Variants in ST8SIA2 observed in about 807,000 individuals in gnomAD.
ST8SIA2 encodes alpha-2,8-sialyltransferase 8B.
Under a neutral mutation model 37.6 loss-of-function variants are expected in ST8SIA2, and 22 were observed. The observed-to-expected ratio is 0.58, with a 90% CI of 0.42 to 0.83. The LOEUF (loss-of-function observed/expected upper bound fraction) is 0.83. Ranked by LOEUF, ST8SIA2 falls within the 40% of genes least tolerant of loss-of-function variation. ST8SIA2 has a pLI of 0.00. For synonymous variants in ST8SIA2, 205 were observed against 201.2 expected (o/e 1.02, Z -0.16); for missense variants, 382 against 484.7 (o/e 0.79, Z 1.99).
At position 92,438,578 on chromosome 15, in the gene ST8SIA2, G is replaced by C. The variant is rs527715976; in HGVS notation, c.516G>C (p.Gly172=). The change falls in exon 4 of 6, where the codon GGG becomes GGC. Residue 172 remains glycine (G), a synonymous_variant. Transcript: ENST00000268164. ...GGGTCTTGCTGAACAGCGGCTGTGGGCAGGAGATTGACGCCCACAGCTTCG... is the reference window on the plus strand; with the variant it reads ...GGGTCTTGCTGAACAGCGGCTGTGGCCAGGAGATTGACGCCCACAGCTTCG... The part of the protein sequence containing the change: ...NSGVLLNSGC[G]QEIDAHSFVI... 3.1e-5 allele frequency: 50 copies of C among 1,611,620 alleles called. No homozygotes were observed. Among genetic ancestry groups the C allele is most frequent in the Non-Finnish European group, 4.0e-5 (47 of 1,178,424 alleles).
At position 92,444,854 on chromosome 15, in the gene ST8SIA2, A is replaced by G; in HGVS notation, c.767A>G (p.Asn256Ser). ...RGGKERVEWV[N>S]ELILKHHVNV... Reference sequence around the variant, plus strand: ...GGCAAGGAGCGTGTTGAGTGGGTCAACGAGCTTATCCTGAAGCACCACGTC... The same window carrying G: ...GGCAAGGAGCGTGTTGAGTGGGTCAGCGAGCTTATCCTGAAGCACCACGTC... The change falls in exon 5 of 6, where the codon AAC (asparagine) becomes AGC (serine). Residue 256 changes from asparagine (N) to serine (S), a missense_variant. Coordinates refer to ENST00000268164, the MANE Select transcript of ST8SIA2 (RefSeq NM_006011.4). The G allele has an allele frequency of 6.2e-7, 1 of 1,613,878 alleles. No individual in the cohort carries two copies. The highest frequency in any genetic ancestry group is 8.5e-7 in the Non-Finnish European group (1 of 1,180,034).
At chr15:92,424,462 T>G (rs966543340) in intron 1 of ST8SIA2, among the ~76,000 whole-genome samples, 1 of 152,228 alleles carries the variant, frequency 6.6e-6, no homozygotes. Flanking sequence ...CAGGTTTTGC[T>G]ACTTGCTTTT....
intron 5 of ST8SIA2, among the ~76,000 whole-genome samples, chr15:92,454,126 G>C (rs950429972): frequency 5.3e-5 from 8 of 152,172 alleles, no homozygotes; most frequent in African/African-American, 1.9e-4. Flanking sequence ...CTCACAGACT[G>C]GGTGGCTTAA....
Position 92,464,704 on chromosome 15 carries a change from C to CT in ST8SIA2, c.*322dup, listed in dbSNP as rs2049980670. ...ACATGAAAAGAAGCCAGTCCCATGA[C>CT]TTTGGATGACAAACTGCCTCCTGGC... On this transcript the variant is annotated 3_prime_UTR_variant, in exon 6 of 6. Coordinates refer to ENST00000268164, the MANE Select transcript of ST8SIA2 (RefSeq NM_006011.4). 1 of 363,954 alleles carries CT rather than the reference C, an allele frequency of 2.7e-6. No homozygotes were observed. The highest frequency in any genetic ancestry group is 5.1e-6 in the Non-Finnish European group (1 of 196,666). 22.5% of individuals were successfully genotyped at this position (363,954 alleles called of 1,614,324 possible).
rs535205207 is a variant in ST8SIA2 at position 92,430,262 on chromosome 15, G to A, written c.161+151G>A. 10 of 808,742 alleles carry A rather than the reference G, an allele frequency of 1.2e-5. No individual in the cohort carries two copies. In the South Asian group the frequency reaches 1.5e-4, roughly 12 times the overall value. The allele number at this position is 808,742 out of a possible 1,614,324, so 50.1% of individuals were successfully genotyped here. A position where few individuals can be genotyped will look rare whatever the true frequency, so the allele number is the denominator to read the frequency against. ...TGCATTTCCCTAATCACTTTTGGGG[G>A]GAGCTGTCAATGGAAGATCACATGA... On this transcript the variant is annotated intron_variant, in intron 2 of 5. Coordinates refer to ENST00000268164, the MANE Select transcript of ST8SIA2 (RefSeq NM_006011.4).
intron 5 of ST8SIA2, among the ~76,000 whole-genome samples, chr15:92,447,799 TG>T (rs1395596942): frequency 2.0e-5 from 3 of 152,176 alleles, no homozygotes; most frequent in Admixed American, 6.5e-5. Flanking sequence ...CGGGGCTCAA[TG>T]GGGCTACATA....
At chr15:92,414,566 G>A (rs2049573302) in intron 1 of ST8SIA2, among the ~76,000 whole-genome samples, 2 of 152,200 alleles carry the variant, frequency 1.3e-5, no homozygotes, top group East Asian at 3.9e-4. Flanking sequence ...TAAGTCAGTT[G>A]GAGGAAGAAA....
intron 1 of ST8SIA2, among the ~76,000 whole-genome samples, chr15:92,408,307 T>G (rs1475966461): frequency 1.3e-5 from 2 of 152,064 alleles, no homozygotes; most frequent in African/African-American, 4.8e-5. Context: ...CACCATCCTC[T>G]GAAGCTCCCT....
At chr15:92,410,374 T>C (rs1158478170) in intron 1 of ST8SIA2, among the ~76,000 whole-genome samples, 2 of 152,220 alleles carry the variant, frequency 1.3e-5, no homozygotes, top group Non-Finnish European at 2.9e-5. Context: ...ATACTGGGTA[T>C]CTGCTCTTTG....
At chr15:92,450,216 C>T (rs2049872143) in intron 5 of ST8SIA2, among the ~76,000 whole-genome samples, 1 of 152,124 alleles carries the variant, frequency 6.6e-6, no homozygotes, top group Non-Finnish European at 1.5e-5. Flanking sequence ...GATTAACATC[C>T]AGGATATGTG....
At chr15:92,421,166 A>G (rs2049630974) in intron 1 of ST8SIA2, 1 of 152,202 alleles carries the variant, frequency 6.6e-6, no homozygotes, top group African/African-American at 2.4e-5. Flanking sequence ...AGCCAATGCC[A>G]GCTTTCAGCA....
intron 1 of ST8SIA2, among the ~76,000 whole-genome samples, chr15:92,409,568 C>T (rs1164148061): frequency 6.6e-6 from 1 of 152,090 alleles, no homozygotes; most frequent in East Asian, 1.9e-4. Context: ...AGGGAAGGGC[C>T]CATTTCTTTC....
chr15:92,454,391 C>T (rs28607954), intron 5 of ST8SIA2, among the ~76,000 whole-genome samples: 6,379 of 152,080 alleles, frequency 0.042, 341 homozygotes, highest in African/African-American at 0.13. Flanking sequence ...TCATTACTTC[C>T]GTGAATACCC....
intron 1 of ST8SIA2, among the ~76,000 whole-genome samples, chr15:92,420,032 A>G (rs2141819584): frequency 6.6e-6 from 1 of 152,064 alleles, no homozygotes; most frequent in South Asian, 2.1e-4. Flanking sequence ...CGCCCAGCTA[A>G]TTTTTTGTAT....
intron 1 of ST8SIA2, among the ~76,000 whole-genome samples, chr15:92,409,365 G>C (rs1567211478): frequency 1.3e-5 from 2 of 152,204 alleles, no homozygotes. Flanking sequence ...GATCAATTGA[G>C]ATAAAATAAA....
intron 5 of ST8SIA2, chr15:92,445,184 G>A (rs1044439357): frequency 6.9e-6 from 4 of 580,550 alleles, no homozygotes; most frequent in South Asian, 3.9e-5. Context: ...GAATGATCTT[G>A]GGGGTGGGGC....
chr15:92,425,457 C>T (rs1377158065), intron 1 of ST8SIA2, among the ~76,000 whole-genome samples: 1 of 152,228 alleles, frequency 6.6e-6, no homozygotes, highest in Non-Finnish European at 1.5e-5. Flanking sequence ...GGGCAAAGCA[C>T]TGTGCAAGGC....
intron 3 of ST8SIA2, 60 bp downstream of exon 3, chr15:92,434,435 T>A: frequency 6.2e-7 from 1 of 1,611,664 alleles, no homozygotes; most frequent in Admixed American, 1.7e-5. Context: ...CACGGGCAAA[T>A]TGCTTCTCTT....
chr15:92,405,287 G>C (rs547944158), intron 1 of ST8SIA2, among the ~76,000 whole-genome samples: 2 of 152,340 alleles, frequency 1.3e-5, no homozygotes, highest in South Asian at 4.1e-4. Flanking sequence ...CAAATTGATG[G>C]AGACAGAAAG....
Sources: gnomAD v4.1 joint callset for allele counts (sites outside exome capture counted in the v4.1 genomes callset) on GRCh38, gnomAD v4.1.1 for gene constraint, MANE v1.5 for transcripts, NCBI Gene and HGNC (gene_info 2026-07-23, HGNC 2026-07-21) for gene names.